Variants in ACVR2A observed in about 807,000 individuals in gnomAD.
The protein encoded by ACVR2A is activin A receptor type 2A.
ACVR2A carries 7 observed loss-of-function variants against 61.4 expected under a neutral mutation model. That is an observed-to-expected ratio of 0.11 (90% CI 0.06 to 0.21). The LOEUF (loss-of-function observed/expected upper bound fraction) is 0.21, where lower values mean the gene tolerates loss of function less well. Ranked by LOEUF, ACVR2A falls within the 10% of genes least tolerant of loss-of-function variation. The pLI is 1.00. For synonymous variants in ACVR2A, 193 were observed against 208.3 expected, an observed-to-expected ratio of 0.93 and a Z score of 0.63; for missense variants, 322 against 621.7, an observed-to-expected ratio of 0.52 and a Z score of 5.13.
intron 1 of ACVR2A, 60 bp from the exon 2 acceptor site, chr2:147,896,241 G>T: frequency 6.1e-6 from 9 of 1,465,520 alleles, no homozygotes; most frequent in Non-Finnish European, 8.5e-6. Context: ...GCTATCTTGG[G>T]AAACAGTCTT....
chr2:147,908,099 T>A (rs1170089865), intron 4 of ACVR2A, among the ~76,000 whole-genome samples: 1 of 150,512 alleles, frequency 6.6e-6, no homozygotes, highest in Non-Finnish European at 1.5e-5. Flanking sequence ...GAGATCAAAG[T>A]ATATAAACTA....
At chr2:147,887,269 A>G (rs1686463854) in intron 1 of ACVR2A, among the ~76,000 whole-genome samples, 1 of 152,120 alleles carries the variant, frequency 6.6e-6, no homozygotes, top group Non-Finnish European at 1.5e-5. Context: ...AAAGAATGTA[A>G]TAGATGGAAC....
chr2:147,874,808 GT>G (rs1178072691), intron 1 of ACVR2A, among the ~76,000 whole-genome samples: 2 of 151,950 alleles, frequency 1.3e-5, no homozygotes, highest in Non-Finnish European at 2.9e-5. Flanking sequence ...ACGTAGGATT[GT>G]TGTGGGGGAT....
At chr2:147,845,653 A>G (rs1326016323) in intron 1 of ACVR2A, among the ~76,000 whole-genome samples, 3 of 152,232 alleles carry the variant, frequency 2.0e-5, no homozygotes, top group Non-Finnish European at 1.5e-5. Context: ...ATATCACGAC[A>G]TAGATCAAGC....
intron 1 of ACVR2A, among the ~76,000 whole-genome samples, chr2:147,845,901 G>A (rs1345461899): frequency 6.6e-6 from 1 of 152,088 alleles, no homozygotes; most frequent in Admixed American, 6.6e-5. Flanking sequence ...GCTTACCTAC[G>A]GAATACTTAT....
chr2:147,870,184 G>A (rs796149294), intron 1 of ACVR2A, among the ~76,000 whole-genome samples: 8 of 152,116 alleles, frequency 5.3e-5, no homozygotes, highest in African/African-American at 1.9e-4. Context: ...TTAGTAGAGT[G>A]AAAAATGTCT....
intron 1 of ACVR2A, among the ~76,000 whole-genome samples, chr2:147,885,400 A>G (rs771558214): frequency 6.6e-6 from 1 of 152,118 alleles, no homozygotes; most frequent in Non-Finnish European, 1.5e-5. Flanking sequence ...GAGGGAATAG[A>G]TAAAAGGGTA....
chr2:147,861,308 T>G (rs1169798221), intron 1 of ACVR2A, among the ~76,000 whole-genome samples: 2 of 152,180 alleles, frequency 1.3e-5, no homozygotes, highest in African/African-American at 4.8e-5. Context: ...CTGTTTTGTT[T>G]AGGATGCAAG....
chr2:147,914,937 GATC>G (rs1687214323), intron 4 of ACVR2A, among the ~76,000 whole-genome samples: 1 of 151,904 alleles, frequency 6.6e-6, no homozygotes, highest in African/African-American at 2.4e-5. Context: ...AAAGATTTTA[GATC>G]TTCTCTCCTG....
chr2:147,917,656 T>C (rs866444994), intron 6 of ACVR2A, among the ~76,000 whole-genome samples: 1 of 151,996 alleles, frequency 6.6e-6, no homozygotes, highest in African/African-American at 2.4e-5. Context: ...AAACCACCCT[T>C]TTGTTCCTTA....
chr2:147,860,680 A>G lies in ACVR2A; in HGVS notation c.55+15473A>G, dbSNP rs191696916. On this transcript the variant is annotated intron_variant, in intron 1 of 10. Coordinates refer to ENST00000241416, the MANE Select transcript of ACVR2A (RefSeq NM_001616.5). ...GATGGGAAGGCTCTTCTTCACTAGG[A>G]AAGTAACAGAACCATAGTAGACAGG... 3.3e-3 allele frequency among the ~76,000 whole-genome samples: 504 copies of G among 152,324 alleles called. 3 individuals carry two copies. Among genetic ancestry groups the G allele is most frequent in the Non-Finnish European group, 5.9e-3 (399 of 68,042 alleles).
rs1175261143 is a variant in ACVR2A, at chr2:147,930,048, G to A, written c.*2774G>A. The A allele has an allele frequency of 2.0e-5, 3 of 152,470 alleles. No individual in the cohort carries two copies. Among genetic ancestry groups the A allele is most frequent in the African/African-American group, 7.2e-5 (3 of 41,410 alleles). 9.4% of individuals were successfully genotyped at this position (152,470 alleles called of 1,614,324 possible). ...TAGAAGTTTTTTTAGCATGTGATGT[G>A]TGATTCTTGTTTGAATTCTAGGTAC... On this transcript the variant is annotated 3_prime_UTR_variant, in exon 11 of 11. Coordinates refer to ENST00000241416, the MANE Select transcript of ACVR2A (RefSeq NM_001616.5).
At chr2:147,898,231 A>G (rs533428828) in intron 2 of ACVR2A, 11 of 152,266 alleles carry the variant, frequency 7.2e-5, no homozygotes, top group Admixed American at 2.0e-4. Flanking sequence ...ATTTGATTGA[A>G]AACAAATAGG....
intron 4 of ACVR2A, among the ~76,000 whole-genome samples, chr2:147,911,435 A>G (rs1687108629): frequency 6.6e-6 from 1 of 151,982 alleles, no homozygotes; most frequent in South Asian, 2.1e-4. Context: ...AAAATACTAA[A>G]CCATTATTCT....
At chr2:147,867,070 T>TA (rs1398659575) in intron 1 of ACVR2A, among the ~76,000 whole-genome samples, 1 of 152,058 alleles carries the variant, frequency 6.6e-6, no homozygotes, top group Non-Finnish European at 1.5e-5. Context: ...GAGACAGTAT[T>TA]AAAAAAATGT....
intron 1 of ACVR2A, among the ~76,000 whole-genome samples, chr2:147,889,319 T>C (rs1415191130): frequency 1.3e-5 from 2 of 152,168 alleles, no homozygotes; most frequent in Admixed American, 1.3e-4. Flanking sequence ...TCTCATAAAA[T>C]GAGTTGGGAA....
At chr2:147,844,804 T>G, upstream of ACVR2A, 2 of 185,564 alleles carry the variant, frequency 1.1e-5, no homozygotes, top group Non-Finnish European at 2.2e-5. Context: ...GCCTGGCGTT[T>G]TGTTCCGAGA....
rs544732835 is a variant in ACVR2A, at chr2:147,856,029, A to T, written c.55+10822A>T. 5.9e-5 allele frequency among the ~76,000 whole-genome samples: 9 copies of T among 152,278 alleles called. No individual in the cohort carries two copies. The South Asian group carries it at 1.9e-3, about 32-fold the overall frequency. On this transcript the variant is annotated intron_variant, in intron 1 of 10. Coordinates refer to ENST00000241416, the MANE Select transcript of ACVR2A (RefSeq NM_001616.5). ...TTATATCTTAATTCTTAGAAATTTG[A>T]TATCTTTTCAGGTTATCAAGGTCTT...
intron 5 of ACVR2A, among the ~76,000 whole-genome samples, chr2:147,916,178 T>G (rs969107078): frequency 1.3e-5 from 2 of 151,946 alleles, no homozygotes; most frequent in African/African-American, 4.8e-5. Flanking sequence ...ATAAACTGTT[T>G]ACATAGAGTT....
Sources: gnomAD v4.1 joint callset for allele counts (sites outside exome capture counted in the v4.1 genomes callset) on GRCh38, gnomAD v4.1.1 for gene constraint, MANE v1.5 for transcripts, NCBI Gene and HGNC (gene_info 2026-07-23, HGNC 2026-07-21) for gene names.